CACNA2D3: variants seen among roughly 807,000 people sequenced by gnomAD.
The protein encoded by CACNA2D3 is voltage-dependent calcium channel subunit alpha-2/delta-3.
Under a neutral mutation model 160.6 loss-of-function variants are expected in CACNA2D3, and 60 were observed. The ratio of observed to expected loss-of-function variants is 0.37; its 90% confidence interval spans 0.30 to 0.46. The LOEUF is 0.46. Ranked by LOEUF, CACNA2D3 falls within the 20% of genes least tolerant of loss-of-function variation. The pLI is 1.00. For missense variants in CACNA2D3, 1,205 were observed against 1,365.0 expected (o/e 0.88, Z 1.85); for synonymous variants, 558 against 492.9 (o/e 1.13, Z -1.75).
Position 55,007,779 on chromosome 3 carries a change from C to A in CACNA2D3, c.2767-11C>A. 6.5e-7 allele frequency: 1 copy of A among 1,540,306 alleles called. No homozygotes were observed. The highest frequency in any genetic ancestry group is 8.7e-7 in the Non-Finnish European group (1 of 1,143,946). ...TACATTGTTTTTAATGAACTGAATTCTTCTCTTCAGCCTTATAATGCCTTC... is the reference window on the plus strand; with the variant it reads ...TACATTGTTTTTAATGAACTGAATTATTCTCTTCAGCCTTATAATGCCTTC... On this transcript the variant is annotated splice_polypyrimidine_tract_variant and intron_variant, in intron 32 of 37. Coordinates refer to ENST00000474759, the MANE Select transcript of CACNA2D3 (RefSeq NM_018398.3).
At chr3:55,054,964 C>T (rs886940325) in intron 35 of CACNA2D3, among the ~76,000 whole-genome samples, 2 of 151,972 alleles carry the variant, frequency 1.3e-5, no homozygotes, top group Non-Finnish European at 2.9e-5. Context: ...GTTCTTAAAA[C>T]TTTTCTCCTT....
At chr3:54,824,012 C>T (rs780520270) in intron 14 of CACNA2D3, among the ~76,000 whole-genome samples, 14 of 152,140 alleles carry the variant, frequency 9.2e-5, no homozygotes, top group Non-Finnish European at 1.9e-4. Context: ...GTCTGCTAAG[C>T]CCAACTCTCC....
chr3:54,872,859 A>G (rs1699570209), intron 18 of CACNA2D3, among the ~76,000 whole-genome samples: 1 of 152,148 alleles, frequency 6.6e-6, no homozygotes, highest in Non-Finnish European at 1.5e-5. Flanking sequence ...TGTCAGCTCA[A>G]TAGCATGGTC....
At chr3:54,786,522 C>G (rs895220587) in intron 13 of CACNA2D3, among the ~76,000 whole-genome samples, 2 of 152,190 alleles carry the variant, frequency 1.3e-5, no homozygotes, top group Admixed American at 6.6e-5. Context: ...ACTCCTGTGT[C>G]TCTTCACTTT....
chr3:55,045,349 C>G (rs146872659), intron 35 of CACNA2D3, among the ~76,000 whole-genome samples: 1 of 152,318 alleles, frequency 6.6e-6, no homozygotes, highest in East Asian at 1.9e-4. Context: ...CGCGTCAAGC[C>G]TATAGTGGTC....
Position 54,886,394 on chromosome 3 carries a change from T to C in CACNA2D3, c.2056+808T>C, listed in dbSNP as rs140918275. ...GACATCCTGTGAGCCCAATGTGTCATTGTCTTTGACTTTTTAAGGACATAT... is the reference window on the plus strand; with the variant it reads ...GACATCCTGTGAGCCCAATGTGTCACTGTCTTTGACTTTTTAAGGACATAT... On this transcript the variant is annotated intron_variant, in intron 23 of 37. Transcript: ENST00000474759. Among the ~76,000 whole-genome samples the C allele has an allele frequency of 2.0e-4, 30 of 152,342 alleles. No individual in the cohort carries two copies. The East Asian group carries it at 5.2e-3, about 26-fold the overall frequency.
At position 54,891,997 on chromosome 3, in the gene CACNA2D3, C is replaced by T. The variant is rs978391551; in HGVS notation, c.2246+547C>T. On this transcript the variant is annotated intron_variant, in intron 25 of 37. Transcript: ENST00000474759. ...GTGTCTCCTTGGACTTCCAAAGAGACGTGGATAGATGGTGGGCAGAGAGTT... is the reference window on the plus strand; with the variant it reads ...GTGTCTCCTTGGACTTCCAAAGAGATGTGGATAGATGGTGGGCAGAGAGTT... Among the ~76,000 whole-genome samples, 6 of 152,068 alleles carry T rather than the reference C, an allele frequency of 3.9e-5. No homozygotes were observed. In the South Asian group the frequency reaches 8.3e-4, roughly 21 times the overall value.
intron 2 of CACNA2D3, among the ~76,000 whole-genome samples, chr3:54,245,231 T>A (rs946469516): frequency 1.3e-5 from 2 of 152,032 alleles, no homozygotes; most frequent in Non-Finnish European, 1.5e-5. Flanking sequence ...TTTTAAAAAA[T>A]TTAAATTTAA....
intron 11 of CACNA2D3, among the ~76,000 whole-genome samples, chr3:54,677,187 G>GT (rs1467770036): frequency 1.3e-5 from 2 of 152,122 alleles, no homozygotes; most frequent in African/African-American, 4.8e-5. Flanking sequence ...TAAAACTGTT[G>GT]TAACAGTACT....
At chr3:54,426,019 A>G (rs958105224) in intron 4 of CACNA2D3, among the ~76,000 whole-genome samples, 2 of 152,178 alleles carry the variant, frequency 1.3e-5, no homozygotes, top group African/African-American at 4.8e-5. Flanking sequence ...GTTAGTTTAG[A>G]TAAGAGTTGA....
chr3:55,010,633 T>A (rs1309902855), intron 34 of CACNA2D3, among the ~76,000 whole-genome samples: 1 of 152,208 alleles, frequency 6.6e-6, no homozygotes, highest in Non-Finnish European at 1.5e-5. Context: ...GCTATTACCA[T>A]TCTTATTATT....
chr3:54,236,961 T>C (rs963852898), intron 2 of CACNA2D3, among the ~76,000 whole-genome samples: 2 of 152,038 alleles, frequency 1.3e-5, no homozygotes, highest in African/African-American at 4.8e-5. Context: ...TAGTTGGTAC[T>C]CATTAGCTGT....
In CACNA2D3 at chr3:55,023,929, T is replaced by G. The variant is rs546050596; in HGVS notation, c.2987+5612T>G. ...TTAGCAGTAAATTTACAAGTTAGCT[T>G]TAAGTGTCTTCTCTTGTAAGATCTT... is the stretch of plus-strand genomic sequence containing the variant. On this transcript the variant is annotated intron_variant, in intron 35 of 37. Coordinates refer to ENST00000474759, the MANE Select transcript of CACNA2D3 (RefSeq NM_018398.3). Among the ~76,000 whole-genome samples the G allele has an allele frequency of 5.4e-5, 8 of 149,154 alleles. No individual in the cohort carries two copies. In the South Asian group the frequency reaches 1.5e-3, roughly 28 times the overall value.
chr3:54,369,816 C>T lies in CACNA2D3; in HGVS notation c.322-16899C>T, dbSNP rs1210650410. Among the ~76,000 whole-genome samples the T allele has an allele frequency of 2.6e-5, 4 of 152,136 alleles. No individual in the cohort carries two copies. In the South Asian group the frequency reaches 8.3e-4, roughly 32 times the overall value. Reference sequence around the variant, plus strand: ...ACCCTTATATCCCTATAACTCAGACCTCTTATTTGAAGTCTGGCAAATTGC... The same window carrying T: ...ACCCTTATATCCCTATAACTCAGACTTCTTATTTGAAGTCTGGCAAATTGC... On this transcript the variant is annotated intron_variant, in intron 3 of 37. Transcript: ENST00000474759.
intron 13 of CACNA2D3, among the ~76,000 whole-genome samples, chr3:54,797,731 T>A (rs1293269564): frequency 6.6e-6 from 1 of 152,174 alleles, no homozygotes; most frequent in African/African-American, 2.4e-5. Context: ...TCCAGAGCTT[T>A]TGCACACCTT....
intron 35 of CACNA2D3, among the ~76,000 whole-genome samples, chr3:55,056,835 A>G (rs1361605262): frequency 6.6e-6 from 1 of 152,194 alleles, no homozygotes; most frequent in South Asian, 2.1e-4. Context: ...TTTGAAGGGT[A>G]AAAAATCTCA....
At position 54,802,161 on chromosome 3, in the gene CACNA2D3, T is replaced by C. The variant is rs114119978; in HGVS notation, c.1381-14692T>C. Reference sequence around the variant, plus strand: ...ATCACCATAATAGCAAGGGGTTAGCTGAAGCCATGCAACTGGGAGAGGTCA... The same window carrying C: ...ATCACCATAATAGCAAGGGGTTAGCCGAAGCCATGCAACTGGGAGAGGTCA... On this transcript the variant is annotated intron_variant, in intron 13 of 37. Transcript: ENST00000474759. Among the ~76,000 whole-genome samples, 391 of 152,266 alleles carry C rather than the reference T, an allele frequency of 2.6e-3. 3 individuals are homozygous for C. Among genetic ancestry groups the C allele is most frequent in the African/African-American group, 9.0e-3 (373 of 41,546 alleles).
intron 2 of CACNA2D3, among the ~76,000 whole-genome samples, chr3:54,314,399 T>A (rs767613496): frequency 6.6e-6 from 1 of 152,212 alleles, no homozygotes; most frequent in Non-Finnish European, 1.5e-5. Flanking sequence ...TATAATGACT[T>A]CTTTTCCTCT....
intron 4 of CACNA2D3, among the ~76,000 whole-genome samples, chr3:54,414,805 T>C (rs1442059073): frequency 6.7e-6 from 1 of 150,014 alleles, no homozygotes; most frequent in Non-Finnish European, 1.5e-5. Context: ...TTTTAACTTT[T>C]TTTTTTTTTT....
Sources: allele counts gnomAD v4.1 joint callset (sites outside exome capture counted in the v4.1 genomes callset), GRCh38; gene constraint gnomAD v4.1.1; transcripts MANE v1.5; gene names NCBI Gene and HGNC (gene_info 2026-07-23, HGNC 2026-07-21).